The following DACT2 variants were observed in gnomAD, a reference collection of about 807,000 sequenced individuals.
DACT2 encodes dapper homolog 2.
A neutral mutation model predicts 22.2 loss-of-function variants in DACT2; 20 were observed. The ratio of observed to expected loss-of-function variants is 0.90; its 90% confidence interval spans 0.63 to 1.31. DACT2 has a LOEUF of 1.31. DACT2 is among the 50% of genes most tolerant of loss of function. The pLI is 0.00. For synonymous variants in DACT2, 463 were observed against 479.8 expected, an observed-to-expected ratio of 0.96 and a Z score of 0.46; for missense variants, 1,048 against 1,061.4, an observed-to-expected ratio of 0.99 and a Z score of 0.18.
At chr6:168,299,597 C>T (rs1779069486) in intron 3 of DACT2, 1 of 152,212 alleles carries the variant, frequency 6.6e-6, no homozygotes, top group Non-Finnish European at 1.5e-5. Context: ...CAAGGAGTCA[C>T]AGATCCCAGC....
chr6:168,294,601 AT>A, intron 4 of DACT2: 1 of 829,086 alleles, frequency 1.2e-6, no homozygotes, highest in Non-Finnish European at 1.7e-6. Context: ...ATATATATAT[AT>A]ACACATATAA....
chr6:168,301,093 G>C (rs960518785), intron 3 of DACT2, among the ~76,000 whole-genome samples: 11 of 152,232 alleles, frequency 7.2e-5, no homozygotes, highest in Non-Finnish European at 1.3e-4. Flanking sequence ...AGAGTCTCCG[G>C]TTTTCTTGGA....
At chr6:168,294,779 C>A in intron 3 of DACT2, 1 of 623,700 alleles carries the variant, frequency 1.6e-6, no homozygotes, top group Non-Finnish European at 2.4e-6. Flanking sequence ...TGCGATTCTG[C>A]AGCTTCAATG....
chr6:168,299,812 C>G (rs1779073032), intron 3 of DACT2: 1 of 152,344 alleles, frequency 6.6e-6, no homozygotes, highest in Non-Finnish European at 1.5e-5. Flanking sequence ...TCTACAATAG[C>G]TTCTTTCTGT....
Position 168,294,155 on chromosome 6 carries a change from C to G in DACT2, c.773G>C (p.Cys258Ser), listed in dbSNP as rs750480481. 1.0e-5 allele frequency: 7 copies of G among 703,030 alleles called. No homozygotes were observed. The South Asian group carries it at 1.0e-4, about 10-fold the overall frequency. 43.5% of individuals were successfully genotyped at this position (703,030 alleles called of 1,614,324 possible). The stretch of plus-strand genomic sequence containing the variant: ...TACCACTGAGCAGAAAGGGAGCTGA[C>G]AGCCACAGAGGCCACACTTTCCTCT... The change falls in exon 5 of 6, where the codon TGT (cysteine) becomes TCT (serine). Residue 258 changes from cysteine to serine, a missense_variant. Coordinates refer to the DACT2 transcript ENST00000366796.
In DACT2 at chr6:168,312,116, CA is replaced by C. The variant is rs371097634; in HGVS notation, c.247-833del. On this transcript the variant is annotated intron_variant, in intron 1 of 3. Coordinates refer to ENST00000366795, the MANE Select transcript of DACT2 (RefSeq NM_214462.5). ...CTGTTACAGGCTTCGGCAGAGCTACCAGGGGAGAAGGTTCTCAGCAAAACAT... is the reference window on the plus strand; with the variant it reads ...CTGTTACAGGCTTCGGCAGAGCTACCGGGGAGAAGGTTCTCAGCAAAACAT... 3.4e-3 allele frequency among the ~76,000 whole-genome samples: 520 copies of C among 152,288 alleles called. 5 individuals carry two copies. Among genetic ancestry groups the C allele is most frequent in the African/African-American group, 0.012 (497 of 41,560 alleles).
chr6:168,309,234 G>A, intron 3 of DACT2, 136 bp from the exon 4 acceptor site: 1 of 1,358,866 alleles, frequency 7.4e-7, no homozygotes, highest in Non-Finnish European at 9.7e-7. Flanking sequence ...TCCCATGGGA[G>A]ACGGCGACTC....
Position 168,307,483 on chromosome 6 carries a change from C to T in DACT2, c.2274G>A (p.Lys758=). ...CRIKASKALK[K]KIRRFQPTAL... is the part of the protein sequence containing the mutation. ...CCGTCGGCTGGAACCTGCGGATCTTCTTCTTCAGGGCCTTGGAGGCCTTAA... is the reference window on the plus strand; with the variant it reads ...CCGTCGGCTGGAACCTGCGGATCTTTTTCTTCAGGGCCTTGGAGGCCTTAA... Residue 758 remains lysine, a synonymous_variant, in exon 4 of 4, where the codon AAG becomes AAA. Transcript: ENST00000366795. The surrounding 1 kb of genome is among the most constrained non-coding windows in gnomAD (Gnocchi z 5.3). The T allele has an allele frequency of 6.4e-7, 1 of 1,551,684 alleles. No individual in the cohort carries two copies. Among genetic ancestry groups the T allele is most frequent in the South Asian group, 1.2e-5 (1 of 84,062 alleles).
chr6:168,307,550 C>T lies in DACT2; in HGVS notation c.2207G>A (p.Ser736Asn), dbSNP rs1200380011. ...CACGGGGGACAGGAGTGGCCCCGAG[C>T]TGACCGGGGCCTCCTGGGTCCAGGC... Reference protein sequence around the residue: ...ELAWTQEAPVSSGPLLSPVPK... With the variant: ...ELAWTQEAPVNSGPLLSPVPK... The change falls in exon 4 of 4, where the codon AGC becomes AAC. Residue 736 changes from serine to asparagine, a missense_variant. Physicochemically the swap from Ser to Asn is conservative, Grantham distance 46 (BLOSUM62 1). Coordinates refer to ENST00000366795, the MANE Select transcript of DACT2 (RefSeq NM_214462.5). The surrounding 1 kb of genome is among the most constrained non-coding windows in gnomAD (Gnocchi z 5.3). The T allele has an allele frequency of 1.3e-6, 2 of 1,551,190 alleles. No individual in the cohort carries two copies. Among genetic ancestry groups the T allele is most frequent in the Admixed American group, 2.0e-5 (1 of 50,966 alleles).
At chr6:168,292,996 T>C (rs1366761865) in exon 6 of DACT2, 1 of 152,054 alleles carries the variant, frequency 6.6e-6, no homozygotes. Flanking sequence ...TAAAAAAAAA[T>C]TTACAACCTA....
chr6:168,298,181 A>G (rs933204449), intron 3 of DACT2: 1 of 152,200 alleles, frequency 6.6e-6, no homozygotes, highest in Non-Finnish European at 1.5e-5. Flanking sequence ...AAATATAGGC[A>G]AACTTAGCAG....
Position 168,294,220 on chromosome 6 carries a change from C to T in DACT2, c.731-23G>A, listed in dbSNP as rs554310654. ...CACCTAACACAGAGAGAAGGCAATGCCATCCTGAGAAACATGAGTGCCAGG... is the reference window on the plus strand; with the variant it reads ...CACCTAACACAGAGAGAAGGCAATGTCATCCTGAGAAACATGAGTGCCAGG... On this transcript the variant is annotated intron_variant, in intron 4 of 5. Coordinates refer to the DACT2 transcript ENST00000366796. 46 of 702,918 alleles carry T rather than the reference C, an allele frequency of 6.5e-5. No homozygotes were observed. The East Asian group carries it at 7.5e-4, about 11-fold the overall frequency. 43.5% of individuals were successfully genotyped at this position (702,918 alleles called of 1,614,324 possible).
downstream of DACT2, among the ~76,000 whole-genome samples, chr6:168,305,911 C>T (rs562513600): frequency 7.2e-5 from 11 of 152,220 alleles, no homozygotes; most frequent in African/African-American, 2.4e-4. Context: ...TGAAATTGCA[C>T]ACAGACGAGC....
At position 168,307,268 on chromosome 6, in the gene DACT2, CA is replaced by C. The variant is rs201216441; in HGVS notation, c.*163del. The C allele has an allele frequency of 7.2e-7, 1 of 1,386,160 alleles. No homozygotes were observed. The highest frequency in any genetic ancestry group is 3.4e-5 in the Admixed American group (1 of 29,240). The allele number at this position is 1,386,160 out of a possible 1,614,324, so 85.9% of individuals were successfully genotyped here. A position where few individuals can be genotyped will look rare whatever the true frequency, so the allele number is the denominator to read the frequency against. On this transcript the variant is annotated 3_prime_UTR_variant, in exon 4 of 4. Transcript: ENST00000366795. The surrounding 1 kb of genome is among the most constrained non-coding windows in gnomAD (Gnocchi z 5.3). ...CTTTGCTGGGGCGGGGACTCACGGC[CA>C]TACTCCACAGGGCAGAACCCATCTG... is the stretch of plus-strand genomic sequence containing the variant.
At chr6:168,313,528 A>C (rs1375626183) in intron 1 of DACT2, among the ~76,000 whole-genome samples, 1 of 152,196 alleles carries the variant, frequency 6.6e-6, no homozygotes, top group Non-Finnish European at 1.5e-5. Flanking sequence ...TGAGCAGCAC[A>C]CACAGGCGGG....
Position 168,311,559 on chromosome 6 carries a change from C to CACACAAACACACACACCCA in DACT2, c.247-276_247-275insTGGGTGTGTGTGTTTGTGT, listed in dbSNP as rs61336797. Among the ~76,000 whole-genome samples the CACACAAACACACACACCCA allele has an allele frequency of 2.3e-3, 191 of 83,016 alleles. 9 individuals carry two copies. In the South Asian group the frequency reaches 0.061, roughly 26 times the overall value. The allele number at this position is 83,016 out of a possible 152,430, so 54.5% of individuals were successfully genotyped here. ...ACCCATCCACACACACATACACACACTCACACACAAACACACACACCCATC... is the reference window on the plus strand; with the variant it reads ...ACCCATCCACACACACATACACACACACACAAACACACACACCCATCACACACAAACACACACACCCATC... On this transcript the variant is annotated intron_variant, in intron 1 of 3. Transcript: ENST00000366795.
chr6:168,300,544 G>A lies in DACT2; in HGVS notation c.659-5840C>T, dbSNP rs563696948. On this transcript the variant is annotated intron_variant, in intron 3 of 5. Transcript: ENST00000366796. Reference sequence around the variant, plus strand: ...CTTTAGTTTAGCGACTAAAGTCATCGATTTGCTGTTCTGTCCCGGTGTGTG... The same window carrying A: ...CTTTAGTTTAGCGACTAAAGTCATCAATTTGCTGTTCTGTCCCGGTGTGTG... 5.3e-5 allele frequency: 8 copies of A among 152,304 alleles called. No individual in the cohort carries two copies. The South Asian group carries it at 8.3e-4, about 16-fold the overall frequency. 9.4% of individuals were successfully genotyped at this position (152,304 alleles called of 1,614,324 possible).
intron 3 of DACT2, among the ~76,000 whole-genome samples, chr6:168,297,440 A>G (rs1779027105): frequency 6.6e-6 from 1 of 152,124 alleles, no homozygotes; most frequent in Non-Finnish European, 1.5e-5. Flanking sequence ...AGAAGGACTC[A>G]CAGATGTTCC....
intron 3 of DACT2, 141 bp downstream of exon 3, chr6:168,310,027 A>T: frequency 7.5e-7 from 1 of 1,331,854 alleles, no homozygotes; most frequent in Non-Finnish European, 9.9e-7. Flanking sequence ...CACGTGGCCC[A>T]CGGAGGCCTT....
Sources: gnomAD v4.1 joint callset for allele counts (sites outside exome capture counted in the v4.1 genomes callset) on GRCh38, gnomAD v4.1.1 for gene constraint, Gnocchi (gnomAD v3.1) non-coding constraint, MANE v1.5 for transcripts, NCBI Gene and HGNC (gene_info 2026-07-23, HGNC 2026-07-21) for gene names.